The following RSF1 variants were observed in gnomAD, a reference collection of about 807,000 sequenced individuals.
RSF1 encodes the protein remodeling and spacing factor 1, also known as HBV pX-associated protein 8.
RSF1 carries 13 observed loss-of-function variants against 145.2 expected under a neutral mutation model. The observed-to-expected ratio is 0.09, with a 90% CI of 0.06 to 0.14. RSF1 has a LOEUF of 0.14. Among genes scored for constraint, RSF1 ranks in the 10% least tolerant of loss-of-function variants. The pLI is 1.00. For missense variants in RSF1, 1,517 were observed against 1,718.2 expected (o/e 0.88, Z 2.07); for synonymous variants, 577 against 592.6 (o/e 0.97, Z 0.38).
intron 10 of RSF1, 65 bp downstream of exon 10, chr11:77,685,040 T>C: frequency 1.3e-6 from 1 of 793,646 alleles, no homozygotes. Flanking sequence ...TTACATAAGG[T>C]GGGTAAAATT....
upstream of RSF1, among the ~76,000 whole-genome samples, chr11:77,823,727 TTAAA>T (rs1705045471): frequency 6.6e-6 from 1 of 152,008 alleles, no homozygotes; most frequent in African/African-American, 2.4e-5. Context: ...TTAACTGACC[TTAAA>T]TAAAAGCCAG....
chr11:77,736,739 G>A (rs1314366277), intron 4 of RSF1, among the ~76,000 whole-genome samples: 1 of 152,156 alleles, frequency 6.6e-6, no homozygotes, highest in Non-Finnish European at 1.5e-5. Context: ...ATTACCATCC[G>A]TCCCCAGAAA....
chr11:77,705,293 G>A (rs1206066779), intron 5 of RSF1, among the ~76,000 whole-genome samples: 3 of 152,004 alleles, frequency 2.0e-5, no homozygotes, highest in South Asian at 2.1e-4. Flanking sequence ...AGTGACCAAA[G>A]GAAAAATTCA....
chr11:77,860,157 G>A, the RSF1 span, among the ~76,000 whole-genome samples: 10 of 152,306 alleles, frequency 6.6e-5, no homozygotes, highest in South Asian at 4.1e-4. Flanking sequence ...GTCTTGCCCC[G>A]TTGGCAAGCT....
chr11:77,790,278 C>T (rs543083370), intron 1 of RSF1, among the ~76,000 whole-genome samples: 55 of 152,226 alleles, frequency 3.6e-4, no homozygotes, highest in African/African-American at 1.2e-3. Flanking sequence ...AGAGCTTGTG[C>T]AGGAAAACTA....
chr11:77,675,195 A>G lies in RSF1; in HGVS notation c.3403T>C (p.Ser1135Pro). ...AAGTCAGTGTCACTGTCATCATTAGATGGCGGATCTTCTTCACTTTCATCT... is the reference window on the plus strand; with the variant it reads ...AAGTCAGTGTCACTGTCATCATTAGGTGGCGGATCTTCTTCACTTTCATCT... The part of the protein sequence containing the change: ...NPDESEEDPP[S>P]NDDSDTDFCS... The change falls in exon 14 of 16, where the codon TCT becomes CCT. Residue 1135 changes from serine (S) to proline (P), a missense_variant. This residue lies in a region of RSF1 where 231 missense variants were observed against 276.6 expected (regional missense o/e 0.84). Coordinates refer to ENST00000308488, the MANE Select transcript of RSF1 (RefSeq NM_016578.4). 6.2e-7 allele frequency: 1 copy of G among 1,614,134 alleles called. No individual in the cohort carries two copies. The highest frequency in any genetic ancestry group is 8.5e-7 in the Non-Finnish European group (1 of 1,180,032).
At chr11:77,668,950 G>A (rs558872795) in intron 15 of RSF1, among the ~76,000 whole-genome samples, 102 of 152,154 alleles carry the variant, frequency 6.7e-4, no homozygotes, top group Non-Finnish European at 1.1e-3. Context: ...CTGAATTCCA[G>A]ACTAGTGTAT....
chr11:77,683,148 G>T (rs1959909958), intron 11 of RSF1, among the ~76,000 whole-genome samples: 1 of 152,062 alleles, frequency 6.6e-6, no homozygotes, highest in African/African-American at 2.4e-5. Flanking sequence ...AAAATTAGCT[G>T]GGCGTGGTGG....
At chr11:77,825,550 T>C (rs1384379761), upstream of RSF1, among the ~76,000 whole-genome samples, 1 of 152,160 alleles carries the variant, frequency 6.6e-6, no homozygotes, top group Non-Finnish European at 1.5e-5. Flanking sequence ...TAAGAAGATG[T>C]ATGAAAATAA....
Position 77,774,573 on chromosome 11 carries a change from AAAATAAAT to A in RSF1, c.188-9892_188-9885del, listed in dbSNP as rs59146627. 8.8e-3 allele frequency among the ~76,000 whole-genome samples: 1,167 copies of A among 133,110 alleles called. 9 individuals carry two copies. The highest frequency in any genetic ancestry group is 0.024 in the Middle Eastern group (6 of 254). 87.3% of individuals were successfully genotyped at this position (133,110 alleles called of 152,430 possible). A position where few individuals can be genotyped will look rare whatever the true frequency, so the allele number is the denominator to read the frequency against. On this transcript the variant is annotated intron_variant, in intron 1 of 15. Coordinates refer to ENST00000308488, the MANE Select transcript of RSF1 (RefSeq NM_016578.4). ...GCCACAGAGCGAGACTCTGTCTCAA[AAAATAAAT>A]AAATAAATAAATAAATAAATAAATA...
chr11:77,727,493 T>TTTG (rs1961086322), intron 4 of RSF1, among the ~76,000 whole-genome samples: 1 of 149,512 alleles, frequency 6.7e-6, no homozygotes, highest in African/African-American at 2.5e-5. Flanking sequence ...TTTTTTTTTT[T>TTTG]GAGATGGAGT....
In RSF1 at chr11:77,666,224, A is replaced by G. The variant is rs1194296815; in HGVS notation, c.*693T>C. ...AAAGCTTCATTATACATTTTACTGTACAAATGCTTTTCAGATGATTTTATT... is the reference window on the plus strand; with the variant it reads ...AAAGCTTCATTATACATTTTACTGTGCAAATGCTTTTCAGATGATTTTATT... On this transcript the variant is annotated 3_prime_UTR_variant, in exon 16 of 16. Coordinates refer to ENST00000308488, the MANE Select transcript of RSF1 (RefSeq NM_016578.4). The G allele has an allele frequency of 1.3e-5, 2 of 152,320 alleles. No individual in the cohort carries two copies. Among genetic ancestry groups the G allele is most frequent in the Non-Finnish European group, 2.9e-5 (2 of 68,038 alleles). 9.4% of individuals were successfully genotyped at this position (152,320 alleles called of 1,614,324 possible). A position where few individuals can be genotyped will look rare whatever the true frequency, so the allele number is the denominator to read the frequency against.
intron 1 of RSF1, among the ~76,000 whole-genome samples, chr11:77,767,368 C>T (rs145371916): frequency 6.6e-6 from 1 of 152,240 alleles, no homozygotes; most frequent in Non-Finnish European, 1.5e-5. Flanking sequence ...TGCAATCAAA[C>T]CAATCTTCCA....
chr11:77,708,833 T>C (rs1960613207), intron 5 of RSF1, among the ~76,000 whole-genome samples: 1 of 152,216 alleles, frequency 6.6e-6, no homozygotes, highest in East Asian at 1.9e-4. Flanking sequence ...TTCAGCTATA[T>C]TGCTAACCTT....
rs1190779275 is a variant in RSF1 at position 77,715,718 on chromosome 11, G to T, written c.733+9827C>A. Among the ~76,000 whole-genome samples the T allele has an allele frequency of 3.3e-5, 5 of 152,306 alleles. No homozygotes were observed. In the South Asian group the frequency reaches 1.0e-3, roughly 32 times the overall value. On this transcript the variant is annotated intron_variant, in intron 5 of 15. Transcript: ENST00000308488. ...CCGCCTCAGCCTCCCAAAGTGTTGG[G>T]ATTACAGGCGTGAGCCACCACACCC...
At chr11:77,682,125 G>A (rs1959879064) in intron 11 of RSF1, among the ~76,000 whole-genome samples, 2 of 152,136 alleles carry the variant, frequency 1.3e-5, no homozygotes, top group African/African-American at 2.4e-5. Context: ...CATACATACA[G>A]AAGAAAACTT....
intron 1 of RSF1, among the ~76,000 whole-genome samples, chr11:77,812,759 G>C (rs775202911): frequency 6.6e-6 from 1 of 151,708 alleles, no homozygotes; most frequent in African/African-American, 2.4e-5. Context: ...GCGTGGTGGC[G>C]GGCACCTGTA....
intron 1 of RSF1, among the ~76,000 whole-genome samples, chr11:77,798,581 T>TAAAAAAAAAAAAAAAAAAAAAAAA (rs543236647): frequency 4.1e-5 from 1 of 24,462 alleles, no homozygotes; most frequent in Admixed American, 8.1e-4. Context: ...GACTCCATCT[T>TAAAAAAAAAAAAAAAAAAAAAAAA]AAAAAAAAAA....
chr11:77,841,264 A>C, the RSF1 span: 1 of 702,328 alleles, frequency 1.4e-6, no homozygotes, highest in Non-Finnish European at 2.6e-6. Context: ...AGTTAAATTT[A>C]AACATGAGTT....
Sources: allele counts gnomAD v4.1 joint callset (sites outside exome capture counted in the v4.1 genomes callset), GRCh38; gene constraint gnomAD v4.1.1; regional missense constraint gnomAD v4.1.1; transcripts MANE v1.5; gene names NCBI Gene and HGNC (gene_info 2026-07-23, HGNC 2026-07-21).